Variants in DAAM1 observed in about 807,000 individuals in gnomAD.
DAAM1 encodes dishevelled associated activator of morphogenesis 1, also known as disheveled-associated activator of morphogenesis 1.
DAAM1 carries 52 observed loss-of-function variants against 130.0 expected under a neutral mutation model. The ratio of observed to expected loss-of-function variants is 0.40; its 90% CI spans 0.32 to 0.50. The LOEUF (loss-of-function observed/expected upper bound fraction) is 0.50, where lower values mean the gene tolerates loss of function less well. Among genes scored for constraint, DAAM1 ranks in the 20% least tolerant of loss-of-function variants. The pLI, the probability that DAAM1 is intolerant of heterozygous loss-of-function variation, is 0.61. For missense variants in DAAM1, 1,134 were observed against 1,303.8 expected (o/e 0.87, Z 2.01); for synonymous variants, 452 against 444.5 (o/e 1.02, Z -0.21).
intron 1 of DAAM1, among the ~76,000 whole-genome samples, chr14:59,261,421 C>G (rs1387939102): frequency 6.6e-6 from 1 of 152,116 alleles, no homozygotes; most frequent in Non-Finnish European, 1.5e-5. Flanking sequence ...GCACATATGC[C>G]AAAGGAATCC....
intron 1 of DAAM1, among the ~76,000 whole-genome samples, chr14:59,255,965 C>T (rs1881864942): frequency 1.3e-5 from 2 of 150,050 alleles, no homozygotes; most frequent in South Asian, 2.2e-4. Flanking sequence ...AATTGTCCCT[C>T]CCTCCCTCCC....
intron 22 of DAAM1, chr14:59,362,811 A>T (rs1415970476): frequency 6.6e-6 from 1 of 152,154 alleles, no homozygotes; most frequent in African/African-American, 2.4e-5. Flanking sequence ...GTCAATTGGT[A>T]TACAACATAG....
At chr14:59,252,995 GTGT>G (rs1238846438) in intron 1 of DAAM1, among the ~76,000 whole-genome samples, 1 of 152,002 alleles carries the variant, frequency 6.6e-6, no homozygotes, top group Admixed American at 6.6e-5. Context: ...TCACACCAAA[GTGT>G]TGTGCTCTAG....
At chr14:59,214,527 G>A (rs1888519597) in intron 1 of DAAM1, among the ~76,000 whole-genome samples, 1 of 152,182 alleles carries the variant, frequency 6.6e-6, no homozygotes, top group Admixed American at 6.5e-5. Context: ...CCCTGACCCA[G>A]ACAACTACTA....
At chr14:59,212,507 G>C (rs1888456719) in intron 1 of DAAM1, among the ~76,000 whole-genome samples, 1 of 152,232 alleles carries the variant, frequency 6.6e-6, no homozygotes, top group Non-Finnish European at 1.5e-5. Flanking sequence ...ATGATTGCCT[G>C]ATAAAGATGA....
At chr14:59,267,446 C>A (rs368563041) in intron 2 of DAAM1, among the ~76,000 whole-genome samples, 1 of 151,904 alleles carries the variant, frequency 6.6e-6, no homozygotes, top group African/African-American at 2.4e-5. Flanking sequence ...TTAGTCCTAC[C>A]TCAGGATTTA....
intron 15 of DAAM1, among the ~76,000 whole-genome samples, chr14:59,337,197 T>C (rs1440576954): frequency 6.6e-6 from 1 of 152,224 alleles, no homozygotes; most frequent in African/African-American, 2.4e-5. Flanking sequence ...CACTTCGCCA[T>C]AGTCTTTTTT....
chr14:59,241,827 A>G (rs1440520070), intron 1 of DAAM1, among the ~76,000 whole-genome samples: 1 of 152,190 alleles, frequency 6.6e-6, no homozygotes, highest in Non-Finnish European at 1.5e-5. Flanking sequence ...GTAGACTTTT[A>G]TACTAATCCT....
intron 20 of DAAM1, chr14:59,357,213 A>G (rs1886517192): frequency 6.6e-6 from 1 of 152,268 alleles, no homozygotes. Flanking sequence ...TGTATGGTTA[A>G]TGCAATTAAT....
At chr14:59,312,428 T>C (rs1033368342) in intron 3 of DAAM1, among the ~76,000 whole-genome samples, 3 of 152,208 alleles carry the variant, frequency 2.0e-5, no homozygotes, top group African/African-American at 7.2e-5. Context: ...ACAAAGAGGT[T>C]ACTTAAGAGT....
chr14:59,367,681 C>G, intron 24 of DAAM1, 82 bp downstream of exon 24: 3 of 1,486,428 alleles, frequency 2.0e-6, no homozygotes, highest in Non-Finnish European at 2.7e-6. Context: ...AGAGAGCACT[C>G]TGACCTGGCA....
rs146409604 is a variant in DAAM1, at chr14:59,327,833, A to G, written c.1372+842A>G. Among the ~76,000 whole-genome samples the G allele has an allele frequency of 6.6e-5, 10 of 152,320 alleles. No individual in the cohort carries two copies. The East Asian group carries it at 1.4e-3, about 21-fold the overall frequency. ...GTTACGAAACATTAGCTGGCCAGCTATTAGTGTGTATTTGAATATGTCTTT... is the reference window on the plus strand; with the variant it reads ...GTTACGAAACATTAGCTGGCCAGCTGTTAGTGTGTATTTGAATATGTCTTT... On this transcript the variant is annotated intron_variant, in intron 12 of 24. Coordinates refer to ENST00000360909, the MANE Select transcript of DAAM1 (RefSeq NM_001270520.2).
At chr14:59,292,543 C>T (rs1401283436) in intron 3 of DAAM1, among the ~76,000 whole-genome samples, 4 of 152,204 alleles carry the variant, frequency 2.6e-5, no homozygotes, top group Non-Finnish European at 5.9e-5. Context: ...ATGTCTTATC[C>T]ATCTTTGTAA....
rs182909087 is a variant in DAAM1, at chr14:59,361,216, G to A, written c.2694+354G>A. Among the ~76,000 whole-genome samples, 176 of 152,280 alleles carry A rather than the reference G, an allele frequency of 1.2e-3. 2 individuals are homozygous for A. Among genetic ancestry groups the A allele is most frequent in the Middle Eastern group, 3.4e-3 (1 of 294 alleles). ...CTGCTAATATATGGTGTTCACTTTCGGTAGAGCAGTAGAACTTCTCTGTAG... is the reference window on the plus strand; with the variant it reads ...CTGCTAATATATGGTGTTCACTTTCAGTAGAGCAGTAGAACTTCTCTGTAG... On this transcript the variant is annotated intron_variant, in intron 22 of 24. Coordinates refer to ENST00000360909, the MANE Select transcript of DAAM1 (RefSeq NM_001270520.2).
chr14:59,303,178 C>T (rs1884242720), intron 3 of DAAM1, among the ~76,000 whole-genome samples: 2 of 152,204 alleles, frequency 1.3e-5, no homozygotes, highest in South Asian at 4.1e-4. Flanking sequence ...AAGGGCATAG[C>T]TCCATTTCAT....
At chr14:59,233,712 T>C (rs550159116) in intron 1 of DAAM1, among the ~76,000 whole-genome samples, 54 of 152,358 alleles carry the variant, frequency 3.5e-4, no homozygotes, top group Non-Finnish European at 6.6e-4. Flanking sequence ...TCTTTGCTCA[T>C]GTCCATGTCC....
At chr14:59,203,546 C>G (rs952645656) in intron 1 of DAAM1, among the ~76,000 whole-genome samples, 4 of 152,062 alleles carry the variant, frequency 2.6e-5, no homozygotes. Flanking sequence ...ATTTTTTCCT[C>G]TAAATAAACA....
intron 1 of DAAM1, among the ~76,000 whole-genome samples, chr14:59,193,080 A>AAAC (rs55848050): frequency 6.6e-6 from 1 of 152,054 alleles, no homozygotes; most frequent in Non-Finnish European, 1.5e-5. Context: ...AACAACAACA[A>AAAC]AACCCTCAAA....
intron 4 of DAAM1, 117 bp downstream of exon 4, chr14:59,315,468 A>T: frequency 1.1e-6 from 1 of 930,622 alleles, no homozygotes; most frequent in Non-Finnish European, 1.6e-6. Context: ...TACCTTTCCA[A>T]ACTCCATCCT....
Sources: allele counts gnomAD v4.1 joint callset (sites outside exome capture counted in the v4.1 genomes callset), GRCh38; gene constraint gnomAD v4.1.1; transcripts MANE v1.5; gene names NCBI Gene and HGNC (gene_info 2026-07-23, HGNC 2026-07-21).